The following PLCB1 variants were observed in gnomAD, a reference collection of about 807,000 sequenced individuals.
The protein encoded by PLCB1 is 1-phosphatidylinositol 4,5-bisphosphate phosphodiesterase beta-1.
Under a neutral mutation model 161.8 loss-of-function variants are expected in PLCB1, and 46 were observed. The observed-to-expected ratio is 0.28, with a 90% CI of 0.22 to 0.36. The LOEUF (loss-of-function observed/expected upper bound fraction) is 0.36. PLCB1 is among the 10% of genes least tolerant of loss of function. The pLI is 1.00. For missense variants in PLCB1, 1,016 were observed against 1,472.5 expected, an observed-to-expected ratio of 0.69 and a Z score of 5.07; for synonymous variants, 517 against 503.7, an observed-to-expected ratio of 1.03 and a Z score of -0.35.
intron 9 of PLCB1, among the ~76,000 whole-genome samples, chr20:8,675,438 C>A (rs1990051104): frequency 6.6e-6 from 1 of 152,152 alleles, no homozygotes; most frequent in South Asian, 2.1e-4. Context: ...TCACTGCATA[C>A]TTCTCATTAG....
At chr20:8,865,828 G>A (rs1195849352) in intron 31 of PLCB1, among the ~76,000 whole-genome samples, 1 of 152,154 alleles carries the variant, frequency 6.6e-6, no homozygotes, top group Non-Finnish European at 1.5e-5. Context: ...CTTGGATTTG[G>A]CAGCTGCACC....
Position 8,440,838 on chromosome 20 carries a change from TTA to T in PLCB1, c.246+69404_246+69405del, listed in dbSNP as rs139087766. Among the ~76,000 whole-genome samples the T allele has an allele frequency of 8.0e-3, 1,203 of 149,662 alleles. 15 individuals carry two copies. The highest frequency in any genetic ancestry group is 0.023 in the African/African-American group (930 of 40,968). On this transcript the variant is annotated intron_variant, in intron 3 of 31. Transcript: ENST00000338037. The stretch of plus-strand genomic sequence containing the variant: ...AAAGAAATGATAAATGTTTTTGATT[TTA>T]TATATATATATATATGATAATTACC...
intron 9 of PLCB1, among the ~76,000 whole-genome samples, chr20:8,668,664 A>G (rs1035219673): frequency 1.3e-5 from 2 of 152,120 alleles, no homozygotes; most frequent in Non-Finnish European, 1.5e-5. Context: ...GTCATTCCCA[A>G]CCACAGCCAT....
At chr20:8,317,721 C>T (rs1242709617) in intron 2 of PLCB1, among the ~76,000 whole-genome samples, 1 of 152,156 alleles carries the variant, frequency 6.6e-6, no homozygotes, top group East Asian at 1.9e-4. Context: ...GATCAACAGC[C>T]TCTGCTGGTG....
intron 2 of PLCB1, among the ~76,000 whole-genome samples, chr20:8,238,006 G>T (rs1980413406): frequency 2.6e-5 from 4 of 152,028 alleles, no homozygotes; most frequent in Admixed American, 2.6e-4. Context: ...TCTTTTCTAA[G>T]AATTTAAAAT....
intron 3 of PLCB1, among the ~76,000 whole-genome samples, chr20:8,580,640 G>T (rs1180428628): frequency 6.6e-6 from 1 of 152,230 alleles, no homozygotes; most frequent in Admixed American, 6.5e-5. Flanking sequence ...ATGATTTACT[G>T]CACAACTACT....
At position 8,749,651 on chromosome 20, in the gene PLCB1, A is replaced by G. The variant is rs1354817577; in HGVS notation, c.2524-7395A>G. 3.3e-5 allele frequency among the ~76,000 whole-genome samples: 5 copies of G among 152,178 alleles called. No homozygotes were observed. The East Asian group carries it at 7.7e-4, about 23-fold the overall frequency. ...AATTCAAGTTGGTAGGAACTTTTTT[A>G]TATACATATATTAAAGTTTGTATAT... On this transcript the variant is annotated intron_variant, in intron 23 of 31. Coordinates refer to ENST00000338037, the MANE Select transcript of PLCB1 (RefSeq NM_015192.4).
At chr20:8,735,895 G>A (rs997216021) in intron 19 of PLCB1, among the ~76,000 whole-genome samples, 4 of 152,126 alleles carry the variant, frequency 2.6e-5, no homozygotes, top group African/African-American at 9.7e-5. Flanking sequence ...CTTTCTCTCT[G>A]AATTACTCAG....
intron 2 of PLCB1, among the ~76,000 whole-genome samples, chr20:8,188,397 C>G (rs1006108728): frequency 6.6e-6 from 1 of 151,790 alleles, no homozygotes; most frequent in East Asian, 1.9e-4. Flanking sequence ...CAGTTGAACA[C>G]AATTATGATG....
chr20:8,483,598 G>T (rs1405479551), intron 3 of PLCB1, among the ~76,000 whole-genome samples: 1 of 152,092 alleles, frequency 6.6e-6, no homozygotes, highest in Non-Finnish European at 1.5e-5. Flanking sequence ...GATCTTCCTA[G>T]TTAAAAATAT....
chr20:8,317,569 G>T (rs545534579), intron 2 of PLCB1, among the ~76,000 whole-genome samples: 1 of 151,428 alleles, frequency 6.6e-6, no homozygotes, highest in Non-Finnish European at 1.5e-5. Context: ...ATGCAATCAG[G>T]GCACTTGCAA....
chr20:8,505,395 T>A (rs1041037473), intron 3 of PLCB1, among the ~76,000 whole-genome samples: 6 of 152,212 alleles, frequency 3.9e-5, no homozygotes, highest in African/African-American at 1.4e-4. Flanking sequence ...AAGGAATGGA[T>A]AATGGATACT....
chr20:8,689,674 A>AT (rs1028781114), intron 10 of PLCB1, among the ~76,000 whole-genome samples: 1 of 152,128 alleles, frequency 6.6e-6, no homozygotes, highest in African/African-American at 2.4e-5. Flanking sequence ...TGTAGTTCAA[A>AT]TTTGTGTATG....
rs1989576507 is a variant in PLCB1 at position 8,659,944 on chromosome 20, A to G, written c.862+1240A>G. Among the ~76,000 whole-genome samples, 7 of 148,044 alleles carry G rather than the reference A, an allele frequency of 4.7e-5. No individual in the cohort carries two copies. In the South Asian group the frequency reaches 1.3e-3, roughly 27 times the overall value. ...GAGGCAGAGGTTGCAGTGAGCCGAG[A>G]TTACACCACTGCCCTCCAGCCTGGG... is the stretch of plus-strand genomic sequence containing the variant. On this transcript the variant is annotated intron_variant, in intron 9 of 31. Coordinates refer to ENST00000338037, the MANE Select transcript of PLCB1 (RefSeq NM_015192.4).
intron 31 of PLCB1, among the ~76,000 whole-genome samples, chr20:8,847,292 C>A (rs1324510434): frequency 1.3e-5 from 2 of 152,162 alleles, no homozygotes; most frequent in African/African-American, 2.4e-5. Flanking sequence ...CTTTCTACTT[C>A]CCACCCACTC....
chr20:8,589,761 G>A (rs971199195), intron 3 of PLCB1, among the ~76,000 whole-genome samples: 1 of 151,562 alleles, frequency 6.6e-6, no homozygotes, highest in Admixed American at 6.6e-5. Flanking sequence ...GGCTACAGAT[G>A]TGTGCCACCA....
At chr20:8,480,043 A>G (rs1051731961) in intron 3 of PLCB1, among the ~76,000 whole-genome samples, 2 of 152,186 alleles carry the variant, frequency 1.3e-5, no homozygotes, top group Non-Finnish European at 2.9e-5. Flanking sequence ...GCTGAGAAAT[A>G]AAGGAGAAAT....
At chr20:8,500,429 C>T (rs1207906944) in intron 3 of PLCB1, among the ~76,000 whole-genome samples, 2 of 152,136 alleles carry the variant, frequency 1.3e-5, no homozygotes, top group Non-Finnish European at 2.9e-5. Context: ...ATGCTAACAT[C>T]GTGGATGACA....
Position 8,564,029 on chromosome 20 carries a change from C to A in PLCB1, c.247-64265C>A, listed in dbSNP as rs192186747. Among the ~76,000 whole-genome samples the A allele has an allele frequency of 3.9e-5, 6 of 152,118 alleles. No individual in the cohort carries two copies. In the East Asian group the frequency reaches 1.2e-3, roughly 29 times the overall value. On this transcript the variant is annotated intron_variant, in intron 3 of 31. Coordinates refer to ENST00000338037, the MANE Select transcript of PLCB1 (RefSeq NM_015192.4). ...TCATATGGAACCAAAAAAGAGCCCACGTAGCCAAGACAATCCTAAGCAAAA... is the reference window on the plus strand; with the variant it reads ...TCATATGGAACCAAAAAAGAGCCCAAGTAGCCAAGACAATCCTAAGCAAAA...
Sources: allele counts gnomAD v4.1 joint callset (sites outside exome capture counted in the v4.1 genomes callset), GRCh38; gene constraint gnomAD v4.1.1; transcripts MANE v1.5; gene names NCBI Gene and HGNC (gene_info 2026-07-23, HGNC 2026-07-21).